Variants in FHIT observed in about 807,000 individuals in gnomAD.
The protein encoded by FHIT is fragile histidine triad diadenosine triphosphatase, also known as bis(5'-adenosyl)-triphosphatase.
Under a neutral mutation model 17.9 loss-of-function variants are expected in FHIT, and 19 were observed. That is an observed-to-expected ratio of 1.06 (90% CI 0.74 to 1.56). The LOEUF (loss-of-function observed/expected upper bound fraction) is 1.56, where lower values mean the gene tolerates loss of function less well. Among genes scored for constraint, FHIT ranks in the 40% most tolerant of loss-of-function variants. The pLI, the probability that FHIT is intolerant of heterozygous loss-of-function variation, is 0.00. For synonymous variants in FHIT, 81 were observed against 69.7 expected, an observed-to-expected ratio of 1.16 and a Z score of -0.81; for missense variants, 248 against 189.2, an observed-to-expected ratio of 1.31 and a Z score of -1.82.
At chr3:60,881,978 C>A (rs1559798240) in intron 3 of FHIT, among the ~76,000 whole-genome samples, 1 of 151,704 alleles carries the variant, frequency 6.6e-6, no homozygotes, top group Non-Finnish European at 1.5e-5. Context: ...GAAAAGATAA[C>A]AAAATTAACA....
At chr3:60,208,344 G>C (rs536443688) in intron 5 of FHIT, among the ~76,000 whole-genome samples, 4 of 151,784 alleles carry the variant, frequency 2.6e-5, no homozygotes, top group Non-Finnish European at 4.4e-5. Flanking sequence ...CCAAATCAGA[G>C]GTAGGCAAAG....
At chr3:60,875,872 T>C (rs1363261812) in intron 3 of FHIT, among the ~76,000 whole-genome samples, 1 of 151,588 alleles carries the variant, frequency 6.6e-6, no homozygotes, top group East Asian at 1.9e-4. Flanking sequence ...CCATTCTAAA[T>C]AAGTATGAAA....
At chr3:60,291,572 GT>G (rs1184088828) in intron 5 of FHIT, among the ~76,000 whole-genome samples, 14 of 152,256 alleles carry the variant, frequency 9.2e-5, no homozygotes, top group East Asian at 7.7e-4. Flanking sequence ...GCTTATTTAT[GT>G]TTTCAGCTCG....
At chr3:59,906,033 T>C (rs608935) in intron 8 of FHIT, among the ~76,000 whole-genome samples, 1 of 152,334 alleles carries the variant, frequency 6.6e-6, no homozygotes, top group Admixed American at 6.5e-5. Flanking sequence ...TCAGACATGT[T>C]CAATTATTGG....
intron 3 of FHIT, among the ~76,000 whole-genome samples, chr3:61,020,179 C>T (rs1320558599): frequency 6.6e-6 from 1 of 152,220 alleles, no homozygotes; most frequent in Non-Finnish European, 1.5e-5. Context: ...TCCTACTTCT[C>T]CACATCCTCT....
At chr3:60,562,589 T>C (rs2036991896) in intron 4 of FHIT, among the ~76,000 whole-genome samples, 1 of 152,128 alleles carries the variant, frequency 6.6e-6, no homozygotes, top group African/African-American at 2.4e-5. Flanking sequence ...TTGGAGGGTA[T>C]AATACCAGCC....
intron 5 of FHIT, among the ~76,000 whole-genome samples, chr3:60,094,281 T>A (rs910093799): frequency 6.6e-6 from 1 of 152,172 alleles, no homozygotes; most frequent in African/African-American, 2.4e-5. Flanking sequence ...TAAAACCCCA[T>A]TAAGTGTGAA....
chr3:60,910,639 C>G (rs904519317), intron 3 of FHIT, among the ~76,000 whole-genome samples: 3 of 152,262 alleles, frequency 2.0e-5, no homozygotes, highest in Admixed American at 6.5e-5. Context: ...GACTCCATCT[C>G]CTGACCTCAT....
chr3:59,753,220 A>G (rs1559572251), intron 8 of FHIT, among the ~76,000 whole-genome samples: 1 of 152,166 alleles, frequency 6.6e-6, no homozygotes, highest in Non-Finnish European at 1.5e-5. Context: ...GAACTGAGTA[A>G]GTAATAAGTA....
intron 5 of FHIT, among the ~76,000 whole-genome samples, chr3:60,477,701 G>A (rs2033415489): frequency 6.6e-6 from 1 of 152,166 alleles, no homozygotes; most frequent in Non-Finnish European, 1.5e-5. Flanking sequence ...AATCGGTATA[G>A]GCATGTAGAT....
intron 5 of FHIT, among the ~76,000 whole-genome samples, chr3:60,037,331 G>C (rs1701257791): frequency 6.6e-6 from 1 of 151,522 alleles, no homozygotes; most frequent in African/African-American, 2.4e-5. Context: ...TCTCACCAGA[G>C]TTGATAAACA....
At chr3:60,745,758 A>G (rs1246402558) in intron 4 of FHIT, among the ~76,000 whole-genome samples, 1 of 152,132 alleles carries the variant, frequency 6.6e-6, no homozygotes, top group Non-Finnish European at 1.5e-5. Flanking sequence ...GAGTCATCCA[A>G]TGGCCCAAGA....
intron 5 of FHIT, among the ~76,000 whole-genome samples, chr3:60,160,820 G>T (rs1700906236): frequency 7.8e-6 from 1 of 128,100 alleles, no homozygotes; most frequent in African/African-American, 2.8e-5. Flanking sequence ...GCATGTGTGT[G>T]AGTGTGACAG....
At chr3:60,775,073 C>T (rs1018975088) in intron 4 of FHIT, among the ~76,000 whole-genome samples, 1 of 152,310 alleles carries the variant, frequency 6.6e-6, no homozygotes, top group East Asian at 1.9e-4. Flanking sequence ...GACATTGTTT[C>T]AACCAGTGCA....
chr3:60,746,136 C>A (rs2042351223), intron 4 of FHIT, among the ~76,000 whole-genome samples: 2 of 152,198 alleles, frequency 1.3e-5, no homozygotes, highest in Non-Finnish European at 2.9e-5. Flanking sequence ...AACTGTTCCA[C>A]AGTGACAGCT....
chr3:60,672,913 A>C (rs1435797899), intron 4 of FHIT, among the ~76,000 whole-genome samples: 1 of 19,112 alleles, frequency 5.2e-5, no homozygotes, highest in African/African-American at 1.2e-4. Context: ...GTGTGCATGC[A>C]TGCTCTAGGA....
chr3:60,693,467 G>C (rs782392605), intron 4 of FHIT, among the ~76,000 whole-genome samples: 10 of 152,148 alleles, frequency 6.6e-5, no homozygotes, highest in Non-Finnish European at 1.0e-4. Flanking sequence ...ATGTGACCAA[G>C]TAGATATTTC....
chr3:60,991,567 G>A (rs887299083), intron 3 of FHIT, among the ~76,000 whole-genome samples: 9 of 152,116 alleles, frequency 5.9e-5, no homozygotes, highest in African/African-American at 1.4e-4. Context: ...TTGTCAGTAC[G>A]GGTAGTGATT....
chr3:60,450,258 T>G (rs2031645887), intron 5 of FHIT, among the ~76,000 whole-genome samples: 2 of 152,096 alleles, frequency 1.3e-5, no homozygotes, highest in Non-Finnish European at 2.9e-5. Flanking sequence ...TTACAATGTC[T>G]ACGTCAACAC....
Sources: allele counts gnomAD v4.1 joint callset (sites outside exome capture counted in the v4.1 genomes callset), GRCh38; gene constraint gnomAD v4.1.1; transcripts MANE v1.5; gene names NCBI Gene and HGNC (gene_info 2026-07-23, HGNC 2026-07-21).